TENM3: variants seen among roughly 807,000 people sequenced by gnomAD.
The protein encoded by TENM3 is teneurin transmembrane protein 3.
Under a neutral mutation model 255.1 loss-of-function variants are expected in TENM3, and 63 were observed. That is an observed-to-expected ratio of 0.25 (90% confidence interval 0.20 to 0.30). TENM3 has a LOEUF of 0.30. TENM3 is among the 10% of genes least tolerant of loss of function. The pLI is 1.00. For missense variants in TENM3, 2,929 were observed against 3,461.1 expected, an observed-to-expected ratio of 0.85 and a Z score of 3.86; for synonymous variants, 1,306 against 1,322.3, an observed-to-expected ratio of 0.99 and a Z score of 0.27.
At chr4:181,667,217 G>C in the TENM3 span, among the ~76,000 whole-genome samples, 1 of 152,074 alleles carries the variant, frequency 6.6e-6, no homozygotes, top group Non-Finnish European at 1.5e-5. Context: ...TCACTGATGA[G>C]GTATCCGTCC....
the TENM3 span, among the ~76,000 whole-genome samples, chr4:181,922,118 C>T: frequency 7.2e-5 from 11 of 152,238 alleles, no homozygotes; most frequent in South Asian, 1.9e-3. Context: ...TTTTGATGTG[C>T]TGCTGGATTC....
chr4:181,498,155 CAAGAAT>C, the TENM3 span, among the ~76,000 whole-genome samples: 1 of 152,080 alleles, frequency 6.6e-6, no homozygotes, highest in African/African-American at 2.4e-5. Context: ...TATAATCTAA[CAAGAAT>C]ATAGTCCTCA....
At chr4:182,531,606 A>G (rs929073192) in intron 3 of TENM3, among the ~76,000 whole-genome samples, 1 of 152,168 alleles carries the variant, frequency 6.6e-6, no homozygotes, top group Admixed American at 6.5e-5. Flanking sequence ...AGGAAAAGAC[A>G]TGTGGGGTGA....
intron 1 of TENM3, among the ~76,000 whole-genome samples, chr4:182,195,505 T>C (rs1333453413): frequency 2.0e-5 from 3 of 151,996 alleles, no homozygotes; most frequent in African/African-American, 7.2e-5. Flanking sequence ...CTGAGCATGG[T>C]GGTGCACGCC....
the TENM3 span, among the ~76,000 whole-genome samples, chr4:181,467,103 GTA>G: frequency 3.3e-4 from 22 of 66,348 alleles, 1 homozygote; most frequent in East Asian, 4.1e-3. Flanking sequence ...GTGTGTGTGT[GTA>G]TATATATATA....
At chr4:181,992,375 G>A in the TENM3 span, among the ~76,000 whole-genome samples, 1 of 152,082 alleles carries the variant, frequency 6.6e-6, no homozygotes, top group Non-Finnish European at 1.5e-5. Context: ...ATTGAAACTA[G>A]CACTGATGGA....
the TENM3 span, among the ~76,000 whole-genome samples, chr4:182,100,981 G>T: frequency 7.2e-6 from 1 of 138,818 alleles, no homozygotes; most frequent in Admixed American, 7.7e-5. Context: ...GGAGGTCTAG[G>T]CTGCAGTGAG....
At chr4:182,163,332 C>G (rs965985772) in intron 1 of TENM3, among the ~76,000 whole-genome samples, 3 of 152,058 alleles carry the variant, frequency 2.0e-5, no homozygotes, top group Non-Finnish European at 4.4e-5. Context: ...AGCCCAAACT[C>G]AGCATGGAAG....
the TENM3 span, among the ~76,000 whole-genome samples, chr4:182,078,766 A>G: frequency 6.6e-6 from 1 of 152,056 alleles, no homozygotes; most frequent in Non-Finnish European, 1.5e-5. Context: ...AGAGAGAGAG[A>G]GGGGAATAAT....
intron 18 of TENM3, among the ~76,000 whole-genome samples, chr4:182,742,433 C>T (rs965848164): frequency 2.0e-5 from 3 of 152,142 alleles, no homozygotes; most frequent in African/African-American, 7.2e-5. Context: ...TGAATAACCG[C>T]ATGTATATGC....
chr4:182,280,937 T>C (rs1760342425), intron 1 of TENM3, among the ~76,000 whole-genome samples: 1 of 152,210 alleles, frequency 6.6e-6, no homozygotes, highest in Non-Finnish European at 1.5e-5. Flanking sequence ...TGTAAACCAC[T>C]AGACTAGATA....
At chr4:181,563,615 T>C in the TENM3 span, among the ~76,000 whole-genome samples, 1 of 152,186 alleles carries the variant, frequency 6.6e-6, no homozygotes, top group Non-Finnish European at 1.5e-5. Context: ...AAGCCAACTA[T>C]CGGTCTCATT....
the TENM3 span, among the ~76,000 whole-genome samples, chr4:181,652,324 C>T: frequency 6.6e-6 from 1 of 152,100 alleles, no homozygotes; most frequent in Non-Finnish European, 1.5e-5. Context: ...ATAAGATATA[C>T]AGGCTATTCC....
At chr4:182,227,621 G>T (rs1462180770) in intron 1 of TENM3, among the ~76,000 whole-genome samples, 1 of 149,230 alleles carries the variant, frequency 6.7e-6, no homozygotes, top group Non-Finnish European at 1.5e-5. Context: ...TTTTTTCTTC[G>T]TGTAGATGTG....
intron 3 of TENM3, among the ~76,000 whole-genome samples, chr4:182,565,025 C>T (rs1380660414): frequency 2.0e-5 from 3 of 152,150 alleles, no homozygotes; most frequent in Admixed American, 1.3e-4. Flanking sequence ...GTGAAAAGTT[C>T]TGTTTTTCAT....
chr4:181,715,231 T>C, the TENM3 span, among the ~76,000 whole-genome samples: 57 of 152,330 alleles, frequency 3.7e-4, 1 homozygote, highest in South Asian at 0.012. Flanking sequence ...TTTCTTTTTG[T>C]AGCTGCATAG....
At chr4:182,083,079 T>G in the TENM3 span, among the ~76,000 whole-genome samples, 1 of 152,172 alleles carries the variant, frequency 6.6e-6, no homozygotes, top group Admixed American at 6.5e-5. Flanking sequence ...AATGAAAGCA[T>G]AAGGAAATTG....
At chr4:181,668,599 T>A in the TENM3 span, among the ~76,000 whole-genome samples, 1 of 152,116 alleles carries the variant, frequency 6.6e-6, no homozygotes, top group African/African-American at 2.4e-5. Context: ...TGTGCCCAAA[T>A]GTCCCCTTTT....
At chr4:182,728,530 A>T (rs1301012104) in intron 13 of TENM3, among the ~76,000 whole-genome samples, 1 of 152,146 alleles carries the variant, frequency 6.6e-6, no homozygotes, top group Admixed American at 6.5e-5. Context: ...ACTGATGGGG[A>T]TATGTTCTGA....
Sources: gnomAD v4.1 joint callset for allele counts (sites outside exome capture counted in the v4.1 genomes callset) on GRCh38, gnomAD v4.1.1 for gene constraint, MANE v1.5 for transcripts, NCBI Gene and HGNC (gene_info 2026-07-23, HGNC 2026-07-21) for gene names.